Variants in DCC observed in about 807,000 individuals in gnomAD.
DCC encodes DCC netrin 1 receptor.
DCC carries 58 observed loss-of-function variants against 172.5 expected under a neutral mutation model. The observed-to-expected ratio is 0.34, with a 90% CI of 0.27 to 0.42. The LOEUF (loss-of-function observed/expected upper bound fraction) is 0.42. Ranked by LOEUF, DCC falls within the 10% of genes least tolerant of loss-of-function variation. The pLI, the probability that DCC is intolerant of heterozygous loss-of-function variation, is 1.00. For missense variants in DCC, 1,740 were observed against 1,791.0 expected, an observed-to-expected ratio of 0.97 and a Z score of 0.51; for synonymous variants, 709 against 644.5, an observed-to-expected ratio of 1.10 and a Z score of -1.52.
chr18:52,502,898 C>T (rs1353067004), intron 1 of DCC, among the ~76,000 whole-genome samples: 1 of 152,160 alleles, frequency 6.6e-6, no homozygotes, highest in Non-Finnish European at 1.5e-5. Context: ...GCAGTTCTTC[C>T]TATTTGCATT....
At chr18:53,169,039 T>G (rs1191657880) in intron 8 of DCC, among the ~76,000 whole-genome samples, 1 of 152,208 alleles carries the variant, frequency 6.6e-6, no homozygotes, top group African/African-American at 2.4e-5. Context: ...TACATTTAAG[T>G]ACCAACTAAA....
chr18:53,027,310 G>T (rs2041968412), intron 5 of DCC, among the ~76,000 whole-genome samples: 1 of 152,148 alleles, frequency 6.6e-6, no homozygotes, highest in Admixed American at 6.6e-5. Flanking sequence ...ATACAGCTCA[G>T]CAATGAATAA....
intron 27 of DCC, among the ~76,000 whole-genome samples, chr18:53,513,861 A>T (rs1432015612): frequency 1.3e-5 from 2 of 150,504 alleles, no homozygotes; most frequent in Non-Finnish European, 2.9e-5. Context: ...CACATTAATA[A>T]TGGGAGACTT....
At chr18:53,468,363 T>TTTAA (rs1555675962) in intron 25 of DCC, among the ~76,000 whole-genome samples, 3 of 54,736 alleles carry the variant, frequency 5.5e-5, no homozygotes, top group African/African-American at 1.3e-4. Context: ...TATTTATTTA[T>TTTAA]TTTATTTATT....
chr18:53,397,556 A>G (rs533243943), intron 18 of DCC, 110 bp downstream of exon 18: 6 of 1,188,640 alleles, frequency 5.0e-6, no homozygotes, highest in Non-Finnish European at 7.4e-6. Context: ...TATCCTATAT[A>G]AAATAGTTCA....
intron 1 of DCC, among the ~76,000 whole-genome samples, chr18:52,552,155 G>A (rs548732895): frequency 2.2e-4 from 33 of 151,920 alleles, no homozygotes; most frequent in African/African-American, 7.5e-4. Flanking sequence ...TGATAGGTAG[G>A]TACATGAAAA....
intron 19 of DCC, among the ~76,000 whole-genome samples, chr18:53,407,556 T>TATATATATATATATATATATA (rs1192623109): frequency 7.1e-6 from 1 of 140,396 alleles, no homozygotes; most frequent in Non-Finnish European, 1.5e-5. Context: ...TATATATATA[T>TATATATATATATATATATATA]TCACTATTAC....
rs559753626 is a variant in DCC, at chr18:52,995,609, G to T, written c.986-67696G>T. 1.3e-3 allele frequency among the ~76,000 whole-genome samples: 203 copies of T among 152,054 alleles called. 1 individual carries two copies. Among genetic ancestry groups the T allele is most frequent in the Middle Eastern group, 6.8e-3 (2 of 294 alleles). ...GTGAAGGTCAGAAGAAGACCTAGGT[G>T]AACAGAGCATACTTTCTAACATCTC... On this transcript the variant is annotated intron_variant, in intron 5 of 28. Coordinates refer to ENST00000442544, the MANE Select transcript of DCC (RefSeq NM_005215.4).
chr18:52,923,969 A>G (rs1220164619), intron 4 of DCC, 112 bp downstream of exon 4: 6 of 802,226 alleles, frequency 7.5e-6, no homozygotes, highest in Middle Eastern at 2.7e-4. Flanking sequence ...TTTTCATAAT[A>G]ATTGAATATT....
At chr18:53,373,407 C>A (rs1004990725) in intron 15 of DCC, among the ~76,000 whole-genome samples, 1 of 152,056 alleles carries the variant, frequency 6.6e-6, no homozygotes, top group Admixed American at 6.6e-5. Context: ...CCGAAATAAT[C>A]CAAGTGAGCA....
At chr18:53,021,079 C>G (rs1386327013) in intron 5 of DCC, among the ~76,000 whole-genome samples, 1 of 152,158 alleles carries the variant, frequency 6.6e-6, no homozygotes, top group African/African-American at 2.4e-5. Flanking sequence ...CTGATTTCTC[C>G]CAGTGTTGAA....
intron 12 of DCC, among the ~76,000 whole-genome samples, chr18:53,266,826 G>C (rs951481094): frequency 2.0e-5 from 3 of 150,604 alleles, no homozygotes. Context: ...AATGTTTTAA[G>C]GTTCATCCAT....
chr18:52,664,610 A>G (rs2035429622), intron 1 of DCC, among the ~76,000 whole-genome samples: 1 of 150,876 alleles, frequency 6.6e-6, no homozygotes, highest in African/African-American at 2.4e-5. Context: ...AGCTGGGACT[A>G]CAGGCGCCCG....
chr18:52,399,607 C>T (rs560658994), intron 1 of DCC, among the ~76,000 whole-genome samples: 3 of 151,994 alleles, frequency 2.0e-5, no homozygotes, highest in East Asian at 1.9e-4. Context: ...CCTGTTGAAT[C>T]TCTGCTTCAT....
chr18:52,774,768 G>A (rs1455374007), intron 2 of DCC, among the ~76,000 whole-genome samples: 1 of 25,566 alleles, frequency 3.9e-5, no homozygotes, highest in Non-Finnish European at 9.6e-5. Flanking sequence ...AGGTTAAGGA[G>A]AGGTGCCCCT....
At chr18:53,324,124 T>A (rs183493892) in intron 14 of DCC, among the ~76,000 whole-genome samples, 17 of 152,324 alleles carry the variant, frequency 1.1e-4, no homozygotes, top group African/African-American at 4.1e-4. Flanking sequence ...GTATTCTAAG[T>A]AGGCAAACCC....
chr18:53,146,070 A>G (rs956951395), intron 7 of DCC, among the ~76,000 whole-genome samples: 3 of 152,026 alleles, frequency 2.0e-5, no homozygotes, highest in African/African-American at 7.2e-5. Flanking sequence ...TATCTCTACT[A>G]AAAATGCAAA....
intron 1 of DCC, among the ~76,000 whole-genome samples, chr18:52,512,691 A>C (rs918779307): frequency 6.6e-6 from 1 of 152,136 alleles, no homozygotes; most frequent in Non-Finnish European, 1.5e-5. Context: ...CTTACATCTT[A>C]GTGAAGGATA....
intron 1 of DCC, among the ~76,000 whole-genome samples, chr18:52,404,247 T>C (rs1206158210): frequency 6.6e-6 from 1 of 152,044 alleles, no homozygotes; most frequent in Non-Finnish European, 1.5e-5. Flanking sequence ...AATGTAGAGC[T>C]TTAATGAATT....
Sources: allele counts gnomAD v4.1 joint callset (sites outside exome capture counted in the v4.1 genomes callset), GRCh38; gene constraint gnomAD v4.1.1; transcripts MANE v1.5; gene names NCBI Gene and HGNC (gene_info 2026-07-23, HGNC 2026-07-21).